Variants in DMD observed in about 807,000 individuals in gnomAD.
DMD encodes dystrophin, also known as mutant dystrophin.
DMD carries 63 observed loss-of-function variants against 330.1 expected under a neutral mutation model. The ratio of observed to expected loss-of-function variants is 0.19; its 90% CI spans 0.16 to 0.24. The LOEUF is 0.24. DMD is among the 10% of genes least tolerant of loss of function. The probability of loss-of-function intolerance (pLI) is 1.00; values close to 1 mark genes in which losing one functional copy is unlikely to be tolerated. For missense variants in DMD, 3,344 were observed against 2,684.1 expected (o/e 1.25, Z -5.43); for synonymous variants, 1,223 against 959.8 (o/e 1.27, Z -5.07).
At chrX:31,487,896 T>G (rs56036180) in intron 57 of DMD, among the ~76,000 whole-genome samples, 22,932 of 109,077 alleles carry the variant, frequency 0.21, 1,907 homozygotes, top group African/African-American at 0.26. Flanking sequence ...TGAAATTATG[T>G]TTTTTTTTTA....
intron 62 of DMD, among the ~76,000 whole-genome samples, chrX:31,285,069 T>C (rs2053095264): frequency 9.0e-6 from 1 of 111,384 alleles, no homozygotes; most frequent in African/African-American, 3.3e-5. Flanking sequence ...TTCTGAAACA[T>C]TTAAAGAGGG....
intron 52 of DMD, among the ~76,000 whole-genome samples, chrX:31,705,073 A>G (rs918191669): frequency 1.8e-5 from 2 of 112,272 alleles, no homozygotes; most frequent in African/African-American, 6.5e-5. Context: ...CTTCAACCTC[A>G]GTGCAATGGG....
intron 44 of DMD, among the ~76,000 whole-genome samples, chrX:32,058,566 TA>T (rs34845512): frequency 0.036 from 2,615 of 72,185 alleles, 50 homozygotes; most frequent in African/African-American, 0.091. Flanking sequence ...TAACCATTAT[TA>T]AAAAAAAAAA....
intron 47 of DMD, among the ~76,000 whole-genome samples, chrX:31,884,285 A>G (rs1163740216): frequency 8.9e-6 from 1 of 111,949 alleles, no homozygotes. Context: ...AAATTGCGGT[A>G]TATAAACACA....
chrX:32,659,249 G>A (rs762322098), intron 9 of DMD, among the ~76,000 whole-genome samples: 2 of 111,680 alleles, frequency 1.8e-5, no homozygotes, highest in Non-Finnish European at 3.8e-5. Flanking sequence ...GGTTTATCCC[G>A]TTACCTTTCA....
intron 2 of DMD, among the ~76,000 whole-genome samples, chrX:32,909,150 C>CA (rs36075436): frequency 0.022 from 1,506 of 67,781 alleles, 28 homozygotes; most frequent in Non-Finnish European, 0.027. Flanking sequence ...TCTATATGAG[C>CA]AAAAAAAAAA....
intron 53 of DMD, among the ~76,000 whole-genome samples, chrX:31,664,271 G>T (rs1603442961): frequency 9.0e-6 from 1 of 111,272 alleles, no homozygotes; most frequent in Non-Finnish European, 1.9e-5. Flanking sequence ...CAATCAACCT[G>T]CAACATGAAG....
chrX:31,957,469 CAG>C (rs2095258086), intron 45 of DMD, among the ~76,000 whole-genome samples: 1 of 111,579 alleles, frequency 9.0e-6, no homozygotes, highest in African/African-American at 3.3e-5. Flanking sequence ...ATTCAAGAGA[CAG>C]AATAATTAAC....
At chrX:32,555,055 C>G (rs958866190) in intron 16 of DMD, among the ~76,000 whole-genome samples, 6 of 109,329 alleles carry the variant, frequency 5.5e-5, no homozygotes, top group African/African-American at 2.0e-4. Context: ...CAACAATTCT[C>G]AATACCAGCA....
chrX:32,202,508 C>T (rs1479933299), intron 44 of DMD, among the ~76,000 whole-genome samples: 3 of 111,355 alleles, frequency 2.7e-5, no homozygotes, highest in African/African-American at 6.5e-5. Flanking sequence ...TGCACCACCA[C>T]GCCTGGCTAA....
At chrX:32,240,076 A>G (rs1405860714) in intron 43 of DMD, among the ~76,000 whole-genome samples, 2 of 111,627 alleles carry the variant, frequency 1.8e-5, no homozygotes, top group Admixed American at 1.9e-4. Context: ...ATATCTGGAA[A>G]TCCTTGATTG....
In DMD at chrX:32,573,841, C is replaced by A. The variant is rs2052711395; in HGVS notation, c.1608G>T (p.Leu536Phe). The part of the protein sequence containing the change: ...TAALEEQLKV[L>F]GDRWANICRW... ...TACAGATGTTTGCCCATCGATCTCC[C>A]AATACCTGGAGAAGAGACAATCAAG... Residue 536 changes from leucine to phenylalanine, a missense_variant, in exon 14 of 79, where the codon TTG becomes TTT. Transcript: ENST00000357033. The A allele has an allele frequency of 8.3e-7, 1 of 1,200,558 alleles. No homozygotes were observed. Among genetic ancestry groups the A allele is most frequent in the Admixed American group, 2.2e-5 (1 of 45,619 alleles).
At chrX:32,982,784 C>A (rs1356580136) in intron 2 of DMD, among the ~76,000 whole-genome samples, 1 of 111,691 alleles carries the variant, frequency 9.0e-6, no homozygotes, top group Non-Finnish European at 1.9e-5. Context: ...AAGAGGATTC[C>A]CTGAGACAAC....
intron 62 of DMD, among the ~76,000 whole-genome samples, chrX:31,323,254 G>T (rs1338865192): frequency 9.0e-6 from 1 of 111,717 alleles, no homozygotes; most frequent in African/African-American, 3.3e-5. Context: ...AGAAATGTGA[G>T]AAAACCCCTA....
At chrX:31,910,579 G>A (rs1401881848) in intron 47 of DMD, among the ~76,000 whole-genome samples, 1 of 111,948 alleles carries the variant, frequency 8.9e-6, no homozygotes, top group Non-Finnish European at 1.9e-5. Context: ...CTAAATGCCT[G>A]ACACATCTGA....
At chrX:31,239,062 A>G (rs905801072) in intron 63 of DMD, among the ~76,000 whole-genome samples, 1 of 112,425 alleles carries the variant, frequency 8.9e-6, no homozygotes, top group Non-Finnish European at 1.9e-5. Context: ...ATGGTGCAGT[A>G]TATCAGGCAC....
chrX:32,600,906 G>T (rs1372052586), intron 12 of DMD, among the ~76,000 whole-genome samples: 2 of 110,802 alleles, frequency 1.8e-5, no homozygotes, highest in Admixed American at 9.7e-5. Context: ...GCTGTCTCAT[G>T]AACAAAAAAA....
At chrX:32,252,163 G>A (rs539943265) in intron 43 of DMD, among the ~76,000 whole-genome samples, 1 of 110,815 alleles carries the variant, frequency 9.0e-6, no homozygotes, top group South Asian at 3.8e-4. Context: ...CATACACAAG[G>A]GCTTTCTTTT....
chrX:33,003,814 A>G (rs772862486), intron 2 of DMD, among the ~76,000 whole-genome samples: 1 of 112,565 alleles, frequency 8.9e-6, no homozygotes, highest in South Asian at 3.6e-4. Flanking sequence ...ATGTATGCAC[A>G]TATTATATAG....
Sources: gnomAD v4.1 joint callset for allele counts (sites outside exome capture counted in the v4.1 genomes callset) on GRCh38, gnomAD v4.1.1 for gene constraint, MANE v1.5 for transcripts, NCBI Gene and HGNC (gene_info 2026-07-23, HGNC 2026-07-21) for gene names.